The following INPP4A variants were observed in gnomAD, a reference collection of about 807,000 sequenced individuals.
INPP4A encodes the protein inositol polyphosphate-4-phosphatase type I A, also known as inositol polyphosphate-4-phosphatase, type I, 107kD.
INPP4A carries 33 observed loss-of-function variants against 119.8 expected under a neutral mutation model. The ratio of observed to expected loss-of-function variants is 0.28; its 90% CI spans 0.21 to 0.37. The LOEUF is 0.37. INPP4A is among the 10% of genes least tolerant of loss of function. INPP4A has a pLI of 1.00. For missense variants in INPP4A, 956 were observed against 1,289.9 expected (o/e 0.74, Z 3.97); for synonymous variants, 496 against 500.7 (o/e 0.99, Z 0.12).
chr2:98,487,599 G>A lies in INPP4A; in HGVS notation c.-165-31365G>A, dbSNP rs368471268. Reference sequence around the variant, plus strand: ...GTTTTTTTGTTGTTGTTGTTATTTGGGTTATAATTGTCAAAGTTGAGTCAA... The same window carrying A: ...GTTTTTTTGTTGTTGTTGTTATTTGAGTTATAATTGTCAAAGTTGAGTCAA... On this transcript the variant is annotated intron_variant, in intron 1 of 24. Transcript: ENST00000409851. 8.6e-5 allele frequency among the ~76,000 whole-genome samples: 13 copies of A among 151,998 alleles called. No individual in the cohort carries two copies. The East Asian group carries it at 1.7e-3, about 20-fold the overall frequency.
chr2:98,582,900 C>A (rs1235758183), intron 24 of INPP4A, among the ~76,000 whole-genome samples: 1 of 152,014 alleles, frequency 6.6e-6, no homozygotes, highest in African/African-American at 2.4e-5. Flanking sequence ...ACACCAGACA[C>A]AGAAAGATCA....
intron 17 of INPP4A, among the ~76,000 whole-genome samples, chr2:98,559,806 TC>T (rs1695142369): frequency 6.6e-6 from 1 of 152,218 alleles, no homozygotes. Flanking sequence ...CATCTGGACT[TC>T]CTGGGTGCAG....
At chr2:98,449,396 A>T (rs919038783) in intron 1 of INPP4A, among the ~76,000 whole-genome samples, 5 of 152,184 alleles carry the variant, frequency 3.3e-5, no homozygotes, top group African/African-American at 1.2e-4. Flanking sequence ...TTTATTCAAT[A>T]GATTATAGTC....
rs989934647 is a variant in INPP4A at position 98,587,797 on chromosome 2, A to G, written c.*189A>G. On this transcript the variant is annotated 3_prime_UTR_variant, in exon 25 of 25. Transcript: ENST00000409851. ...TGGGTTTTTTTCCCCATTGGAATCA[A>G]TAGGAGGTAATGTTTGGCTCAATAG... is the stretch of plus-strand genomic sequence containing the variant. The G allele has an allele frequency of 1.6e-5, 8 of 504,588 alleles. No homozygotes were observed. In the East Asian group the frequency reaches 2.1e-4, roughly 13 times the overall value. The allele number at this position is 504,588 out of a possible 1,614,324, so 31.3% of individuals were successfully genotyped here. A position where few individuals can be genotyped will look rare whatever the true frequency, so the allele number is the denominator to read the frequency against.
At chr2:98,446,460 T>C (rs1035819399) in intron 1 of INPP4A, among the ~76,000 whole-genome samples, 1 of 152,040 alleles carries the variant, frequency 6.6e-6, no homozygotes, top group Non-Finnish European at 1.5e-5. Flanking sequence ...GAGGCCGTGA[T>C]GCTGTCTGTC....
intron 1 of INPP4A, among the ~76,000 whole-genome samples, chr2:98,487,856 T>G (rs896284692): frequency 6.6e-6 from 1 of 152,218 alleles, no homozygotes; most frequent in Admixed American, 6.5e-5. Context: ...TCACAGCAGC[T>G]TGTTTCAGTA....
chr2:98,462,265 A>G (rs1673719720), intron 1 of INPP4A, among the ~76,000 whole-genome samples: 1 of 152,022 alleles, frequency 6.6e-6, no homozygotes, highest in Admixed American at 6.6e-5. Flanking sequence ...TGGCTAACAC[A>G]GTGAAACCCC....
chr2:98,500,146 G>A (rs183245452), intron 1 of INPP4A, among the ~76,000 whole-genome samples: 1 of 152,262 alleles, frequency 6.6e-6, no homozygotes, highest in East Asian at 1.9e-4. Context: ...AAGGCCTAGT[G>A]TCATTTAACT....
intron 22 of INPP4A, 85 bp from the exon 23 acceptor site, chr2:98,572,730 C>T: frequency 2.4e-6 from 2 of 840,032 alleles, no homozygotes; most frequent in Middle Eastern, 3.6e-4. Flanking sequence ...ACTGTGTGCC[C>T]CAGCAGCTCA....
At position 98,593,966 on chromosome 2, in the gene INPP4A, T is replaced by G. The variant is rs775001514; in HGVS notation, c.*6358T>G. 3.9e-5 allele frequency: 6 copies of G among 152,252 alleles called. No homozygotes were observed. The highest frequency in any genetic ancestry group is 9.6e-5 in the African/African-American group (4 of 41,452). The allele number at this position is 152,252 out of a possible 1,614,324, so 9.4% of individuals were successfully genotyped here. On this transcript the variant is annotated 3_prime_UTR_variant, in exon 25 of 25. Coordinates refer to ENST00000409851, the MANE Select transcript of INPP4A (RefSeq NM_001134225.2). ...ATTGTTGACTATGAAGATTCTTTCA[T>G]GCATGTCCTGTCCACTGTCAGTCCC...
At chr2:98,510,283 C>CAGAACT (rs1187238875) in intron 1 of INPP4A, among the ~76,000 whole-genome samples, 2 of 152,100 alleles carry the variant, frequency 1.3e-5, no homozygotes, top group African/African-American at 2.4e-5. Context: ...AGTGGAAGGA[C>CAGAACT]AGAACTCCAT....
chr2:98,515,098 A>G (rs976072574), intron 1 of INPP4A, among the ~76,000 whole-genome samples: 1 of 152,144 alleles, frequency 6.6e-6, no homozygotes, highest in Non-Finnish European at 1.5e-5. Flanking sequence ...GTTCATCCGC[A>G]TCCTTTGCAG....
chr2:98,570,294 G>A lies in INPP4A; in HGVS notation c.2518+1626G>A, dbSNP rs1697219081. Among the ~76,000 whole-genome samples, 2 of 152,358 alleles carry A rather than the reference G, an allele frequency of 1.3e-5. No homozygotes were observed. The highest frequency in any genetic ancestry group is 1.9e-4 in the East Asian group (1 of 5,184). Reference sequence around the variant, plus strand: ...TGAGTGACAAGACGAGAAGGGGCTGGAACAGCATCTGGAGGGGCCCCTGCT... The same window carrying A: ...TGAGTGACAAGACGAGAAGGGGCTGAAACAGCATCTGGAGGGGCCCCTGCT... On this transcript the variant is annotated intron_variant, in intron 22 of 24. Coordinates refer to ENST00000409851, the MANE Select transcript of INPP4A (RefSeq NM_001134225.2). The surrounding 1 kb of genome is among the most constrained non-coding windows in gnomAD (Gnocchi z 4.3).
intron 17 of INPP4A, 107 bp from the exon 18 acceptor site, chr2:98,563,358 G>T: frequency 1.0e-6 from 1 of 984,994 alleles, no homozygotes; most frequent in Non-Finnish European, 1.5e-6. Flanking sequence ...GGAGATGGGG[G>T]AGTGGGAGGA....
At position 98,502,158 on chromosome 2, in the gene INPP4A, T is replaced by C. The variant is rs188025008; in HGVS notation, c.-165-16806T>C. Among the ~76,000 whole-genome samples, 134 of 152,312 alleles carry C rather than the reference T, an allele frequency of 8.8e-4. 2 individuals are homozygous for C. Among genetic ancestry groups the C allele is most frequent in the Non-Finnish European group, 7.3e-4 (50 of 68,030 alleles). On this transcript the variant is annotated intron_variant, in intron 1 of 24. Coordinates refer to ENST00000409851, the MANE Select transcript of INPP4A (RefSeq NM_001134225.2). The stretch of plus-strand genomic sequence containing the variant: ...TGATAGTCCTGAGGGCATTAGGTGA[T>C]ACCTGTGTTCTCCTGGGCTGGCTGA...
At chr2:98,529,101 A>G (rs547942428) in intron 4 of INPP4A, among the ~76,000 whole-genome samples, 347 of 151,602 alleles carry the variant, frequency 2.3e-3, no homozygotes, top group Non-Finnish European at 4.1e-3. Flanking sequence ...AAAAATTTCT[A>G]TTCATCAAAA....
At chr2:98,499,034 C>T (rs1682603732) in intron 1 of INPP4A, among the ~76,000 whole-genome samples, 1 of 152,220 alleles carries the variant, frequency 6.6e-6, no homozygotes, top group Middle Eastern at 3.2e-3. Context: ...AATCTCAATG[C>T]TCTTTTTGCC....
At chr2:98,533,735 A>G (rs2278210) in intron 5 of INPP4A, among the ~76,000 whole-genome samples, 13,126 of 152,326 alleles carry the variant, frequency 0.086, 781 homozygotes, top group East Asian at 0.23. Context: ...TTTTTGAACA[A>G]TGATCCTGTA....
At chr2:98,578,381 A>G (rs1025753958) in intron 24 of INPP4A, among the ~76,000 whole-genome samples, 3 of 152,214 alleles carry the variant, frequency 2.0e-5, no homozygotes, top group Non-Finnish European at 4.4e-5. Flanking sequence ...CAAAGTGGAC[A>G]GGGATCCCTG....
Sources: allele counts gnomAD v4.1 joint callset (sites outside exome capture counted in the v4.1 genomes callset), GRCh38; gene constraint gnomAD v4.1.1; non-coding constraint Gnocchi (gnomAD v3.1); transcripts MANE v1.5; gene names NCBI Gene and HGNC (gene_info 2026-07-23, HGNC 2026-07-21).